The following HYCC2 variants were observed in gnomAD, a reference collection of about 807,000 sequenced individuals.
HYCC2 encodes the protein hyccin PI4KA lipid kinase complex subunit 2, also known as hyccin 2.
the HYCC2 span, among the ~76,000 whole-genome samples, chr2:200,997,705 A>T: frequency 0.052 from 7,867 of 152,160 alleles, 468 homozygotes; most frequent in African/African-American, 0.14. Flanking sequence ...ACAAATCATA[A>T]CCCTTGCTGT....
chr2:201,064,108 G>T, the HYCC2 span: 1 of 1,390,818 alleles, frequency 7.2e-7, no homozygotes, highest in Non-Finnish European at 1.0e-6. Context: ...GGAAGCTACA[G>T]GTTACAACAG....
chr2:201,042,602 A>G, the HYCC2 span, among the ~76,000 whole-genome samples: 9 of 146,082 alleles, frequency 6.2e-5, no homozygotes, highest in Admixed American at 2.7e-4. Flanking sequence ...CCATCCGCCC[A>G]GCAGCCGCCC....
At chr2:200,974,282 T>G in the HYCC2 span, 1 of 151,922 alleles carries the variant, frequency 6.6e-6, no homozygotes, top group South Asian at 2.1e-4. Flanking sequence ...GTGAGATAGT[T>G]CTTATTTAAT....
At chr2:201,058,013 A>G in the HYCC2 span, among the ~76,000 whole-genome samples, 4 of 152,158 alleles carry the variant, frequency 2.6e-5, no homozygotes, top group Non-Finnish European at 5.9e-5. Flanking sequence ...CCCCTCACCA[A>G]TGCTGATCTA....
chr2:200,979,754 CTT>C, the HYCC2 span: 2 of 152,566 alleles, frequency 1.3e-5, no homozygotes, highest in East Asian at 3.8e-4. Context: ...TCACAATACA[CTT>C]TTTTAAAACC....
At chr2:201,023,039 A>G in the HYCC2 span, 1 of 722,846 alleles carries the variant, frequency 1.4e-6, no homozygotes, top group African/African-American at 1.8e-5. Flanking sequence ...CAAGTGAGAA[A>G]AGTAAAAATA....
At chr2:201,016,942 G>T in the HYCC2 span, 4 of 1,534,402 alleles carry the variant, frequency 2.6e-6, no homozygotes, top group Admixed American at 3.5e-5. Context: ...TTATTTCAGA[G>T]GACCTTAAAA....
chr2:201,047,529 A>C, the HYCC2 span, among the ~76,000 whole-genome samples: 1 of 151,464 alleles, frequency 6.6e-6, no homozygotes, highest in Non-Finnish European at 1.5e-5. Flanking sequence ...CAATATTCTA[A>C]GAAAGAATAA....
chr2:201,033,351 T>C, the HYCC2 span, among the ~76,000 whole-genome samples: 1 of 151,836 alleles, frequency 6.6e-6, no homozygotes, highest in African/African-American at 2.4e-5. Flanking sequence ...ACTATAGGCA[T>C]GTGCCACCAT....
At chr2:201,063,292 G>T in the HYCC2 span, 1 of 1,542,690 alleles carries the variant, frequency 6.5e-7, no homozygotes, top group East Asian at 2.2e-5. Context: ...TGAAGGAGGT[G>T]GAGGCAGCTA....
At chr2:201,043,030 T>C in the HYCC2 span, among the ~76,000 whole-genome samples, 11 of 152,190 alleles carry the variant, frequency 7.2e-5, no homozygotes, top group African/African-American at 1.4e-4. Flanking sequence ...CAGACTGTTA[T>C]TGTGTCTGTG....
the HYCC2 span, among the ~76,000 whole-genome samples, chr2:201,043,946 C>T: frequency 6.6e-6 from 1 of 152,152 alleles, no homozygotes; most frequent in Non-Finnish European, 1.5e-5. Flanking sequence ...TCTTGAACTC[C>T]TGGGCTCAAA....
chr2:201,035,564 G>T, the HYCC2 span, among the ~76,000 whole-genome samples: 6 of 152,042 alleles, frequency 3.9e-5, no homozygotes, highest in Non-Finnish European at 7.4e-5. Context: ...CCTTTAGCTC[G>T]GAGTAGTCTG....
the HYCC2 span, among the ~76,000 whole-genome samples, chr2:200,993,678 C>A: frequency 6.6e-6 from 1 of 151,960 alleles, no homozygotes; most frequent in African/African-American, 2.4e-5. Flanking sequence ...AAAAGACCTG[C>A]AATTTAAAAA....
At chr2:201,014,042 A>C in the HYCC2 span, among the ~76,000 whole-genome samples, 1 of 152,208 alleles carries the variant, frequency 6.6e-6, no homozygotes, top group Non-Finnish European at 1.5e-5. Flanking sequence ...GCCTAGGGTT[A>C]CATTTCTGAC....
At chr2:200,980,186 G>A in the HYCC2 span, 1 of 152,580 alleles carries the variant, frequency 6.6e-6, no homozygotes, top group Non-Finnish European at 1.5e-5. Flanking sequence ...AATCCAAAAT[G>A]TCTGACTGAA....
chr2:200,976,018 T>C, the HYCC2 span: 4 of 152,214 alleles, frequency 2.6e-5, no homozygotes, highest in African/African-American at 9.6e-5. Context: ...TTTATTAGCA[T>C]TGTTAACAGT....
chr2:200,987,946 T>C, the HYCC2 span, among the ~76,000 whole-genome samples: 1 of 152,218 alleles, frequency 6.6e-6, no homozygotes, highest in East Asian at 1.9e-4. Flanking sequence ...AGTGCTCATA[T>C]GTGCACCTTT....
At chr2:201,022,876 T>C in the HYCC2 span, 4 of 1,613,740 alleles carry the variant, frequency 2.5e-6, no homozygotes, top group East Asian at 2.2e-5. Context: ...CTGGTACAAG[T>C]GTTTTTTTCC....
Sources: gnomAD v4.1 joint callset for allele counts (sites outside exome capture counted in the v4.1 genomes callset) on GRCh38, gnomAD v4.1.1 for gene constraint, MANE v1.5 for transcripts, NCBI Gene and HGNC (gene_info 2026-07-23, HGNC 2026-07-21) for gene names.